The following DEFB124 variants were observed in gnomAD, a reference collection of about 807,000 sequenced individuals.
The protein encoded by DEFB124 is defensin beta 124, also known as beta-defensin 124.
For missense variants in DEFB124, 78 were observed against 83.1 expected, an observed-to-expected ratio of 0.94 and a Z score of 0.24; for synonymous variants, 38 against 36.5, an observed-to-expected ratio of 1.04 and a Z score of -0.15.
intron 2 of DEFB124, among the ~76,000 whole-genome samples, chr20:31,470,354 G>A (rs1440527030): frequency 3.3e-4 from 45 of 137,652 alleles, no homozygotes; most frequent in African/African-American, 1.1e-3. Context: ...CTCACCCCCC[G>A]GACGGGGTGG....
In DEFB124 at chr20:31,465,473, G is replaced by A. The variant is rs1333752401; in HGVS notation, c.*33C>T. ...AGCAGGCAGAAAGAAGAGACAACTG[G>A]CAACCTGTGTTTTATTGGACAGCAG... On this transcript the variant is annotated 3_prime_UTR_variant, in exon 3 of 3. Transcript: ENST00000317676. The A allele has an allele frequency of 6.2e-7, 1 of 1,611,616 alleles. No individual in the cohort carries two copies. The highest frequency in any genetic ancestry group is 8.5e-7 in the Non-Finnish European group (1 of 1,178,342).
At chr20:31,468,433 G>A (rs890321539) in intron 2 of DEFB124, among the ~76,000 whole-genome samples, 2 of 152,030 alleles carry the variant, frequency 1.3e-5, no homozygotes, top group African/African-American at 2.4e-5. Flanking sequence ...ATTGGTAATT[G>A]TTGAGGTTGA....
intron 2 of DEFB124, among the ~76,000 whole-genome samples, chr20:31,467,279 C>T (rs866756535): frequency 6.6e-6 from 1 of 152,198 alleles, no homozygotes; most frequent in African/African-American, 2.4e-5. Context: ...TTTATTCAAC[C>T]CTGCCGAGCA....
Position 31,465,518 on chromosome 20 carries a change from A to G in DEFB124, c.204T>C (p.His68=). 6.2e-7 allele frequency: 1 copy of G among 1,614,122 alleles called. No homozygotes were observed. Among genetic ancestry groups the G allele is most frequent in the Non-Finnish European group, 8.5e-7 (1 of 1,180,004 alleles). The change falls in exon 3 of 3, where the codon CAT becomes CAC. Residue 68 remains histidine (H), a synonymous_variant. Transcript: ENST00000317676. The part of the protein sequence containing the change: ...YALKPPPVPK[H]EYE Reference sequence around the variant, plus strand: ...CAGCAGGAACCAGCTACTCATATTCATGCTTGGGGACCGGTGGAGGTTTCA... The same window carrying G: ...CAGCAGGAACCAGCTACTCATATTCGTGCTTGGGGACCGGTGGAGGTTTCA...
chr20:31,471,375 T>C (rs1158812442), intron 2 of DEFB124, among the ~76,000 whole-genome samples: 5 of 59,210 alleles, frequency 8.4e-5, no homozygotes, highest in African/African-American at 1.4e-4. Flanking sequence ...CCCCCCCACC[T>C]CCCTCCCGGA....
At chr20:31,466,169 A>G (rs1464043221) in intron 2 of DEFB124, among the ~76,000 whole-genome samples, 1 of 152,152 alleles carries the variant, frequency 6.6e-6, no homozygotes, top group African/African-American at 2.4e-5. Flanking sequence ...ATAAATAAAC[A>G]GAAACTGATT....
chr20:31,467,935 T>C (rs117762506), intron 2 of DEFB124, among the ~76,000 whole-genome samples: 1 of 152,098 alleles, frequency 6.6e-6, no homozygotes, highest in African/African-American at 2.4e-5. Flanking sequence ...TTGTTTTTTG[T>C]AGAGATGGGG....
chr20:31,470,505 T>C (rs1223468147), intron 2 of DEFB124, among the ~76,000 whole-genome samples: 59 of 99,860 alleles, frequency 5.9e-4, no homozygotes, highest in South Asian at 1.4e-3. Flanking sequence ...TAGGGGCGGC[T>C]GGGCAGAGGC....
intron 2 of DEFB124, among the ~76,000 whole-genome samples, 177 bp from the exon 3 acceptor site, chr20:31,465,840 A>C (rs1980069660): frequency 6.6e-6 from 1 of 152,228 alleles, no homozygotes; most frequent in Admixed American, 6.5e-5. Flanking sequence ...ACCACATGTC[A>C]TAGGTTAGAC....
chr20:31,471,177 G>A (rs1980280375), intron 2 of DEFB124, among the ~76,000 whole-genome samples: 1 of 133,892 alleles, frequency 7.5e-6, no homozygotes, highest in Non-Finnish European at 1.6e-5. Flanking sequence ...GGCTGGCTGG[G>A]CGGGGGGCTG....
intron 2 of DEFB124, among the ~76,000 whole-genome samples, chr20:31,471,347 T>G (rs1286121030): frequency 9.0e-5 from 1 of 11,154 alleles, no homozygotes; most frequent in Non-Finnish European, 1.8e-4. Flanking sequence ...ACGGGGCGGC[T>G]GGCCGGGCGG....
At chr20:31,471,577 C>T (rs1340741289) in intron 2 of DEFB124, among the ~76,000 whole-genome samples, 1 of 148,166 alleles carries the variant, frequency 6.7e-6, no homozygotes, top group Non-Finnish European at 1.5e-5. Flanking sequence ...GGGGCGGCTG[C>T]CGGGCGGAGA....
intron 2 of DEFB124, among the ~76,000 whole-genome samples, chr20:31,467,821 C>T (rs967193660): frequency 7.2e-5 from 11 of 151,800 alleles, no homozygotes; most frequent in African/African-American, 2.2e-4. Flanking sequence ...AGTGTAATCT[C>T]GGCTCAATGT....
chr20:31,472,853 G>T lies in DEFB124; in HGVS notation c.58+103C>A, dbSNP rs1467287066. 1.1e-4 allele frequency: 161 copies of T among 1,408,340 alleles called. 1 individual carries two copies. The highest frequency in any genetic ancestry group is 3.5e-5 in the Non-Finnish European group (37 of 1,065,510). The allele number at this position is 1,408,340 out of a possible 1,614,324, so 87.2% of individuals were successfully genotyped here. ...GTGGTGGGGCCAGAACTTAAATGCT[G>T]ATAGAGGCCCCTCTGTCCTCCAGGA... On this transcript the variant is annotated intron_variant, in intron 2 of 2. Coordinates refer to ENST00000317676, the MANE Select transcript of DEFB124 (RefSeq NM_001037500.2).
intron 1 of DEFB124, among the ~76,000 whole-genome samples, chr20:31,473,496 A>G (rs550369075): frequency 6.6e-6 from 1 of 152,322 alleles, no homozygotes; most frequent in East Asian, 1.9e-4. Context: ...TAAAATGGGA[A>G]GAGTAATAGT....
chr20:31,472,919 A>ACG lies in DEFB124; in HGVS notation c.58+36_58+37insCG, dbSNP rs751341586. The stretch of plus-strand genomic sequence containing the variant: ...CTCATTTTTACAAGCACACATGTGC[A>ACG]CACACACACACACACACATGCACAC... On this transcript the variant is annotated intron_variant, in intron 2 of 2. Coordinates refer to ENST00000317676, the MANE Select transcript of DEFB124 (RefSeq NM_001037500.2). The ACG allele has an allele frequency of 2.0e-4, 198 of 983,592 alleles. 1 individual carries two copies. Among genetic ancestry groups the ACG allele is most frequent in the Admixed American group, 4.6e-4 (17 of 36,718 alleles). The allele number at this position is 983,592 out of a possible 1,614,324, so 60.9% of individuals were successfully genotyped here. A position where few individuals can be genotyped will look rare whatever the true frequency, so the allele number is the denominator to read the frequency against.
At chr20:31,473,525 A>G (rs1980392298) in intron 1 of DEFB124, among the ~76,000 whole-genome samples, 1 of 152,180 alleles carries the variant, frequency 6.6e-6, no homozygotes, top group South Asian at 2.1e-4. Flanking sequence ...CATAGAGAGT[A>G]ATAGCTACCC....
intron 2 of DEFB124, among the ~76,000 whole-genome samples, chr20:31,466,570 A>C (rs1980087409): frequency 6.8e-6 from 1 of 146,276 alleles, no homozygotes; most frequent in East Asian, 1.9e-4. Context: ...ACTGCACTGC[A>C]GCCTTGGCGA....
At chr20:31,468,590 C>A (rs1183315129) in intron 2 of DEFB124, among the ~76,000 whole-genome samples, 1 of 151,982 alleles carries the variant, frequency 6.6e-6, no homozygotes, top group Non-Finnish European at 1.5e-5. Context: ...ATTCTCCTGC[C>A]TCAGCCTCCC....
Sources: allele counts gnomAD v4.1 joint callset (sites outside exome capture counted in the v4.1 genomes callset), GRCh38; gene constraint gnomAD v4.1.1; transcripts MANE v1.5; gene names NCBI Gene and HGNC (gene_info 2026-07-23, HGNC 2026-07-21).